HEPACAM2: variants seen among roughly 807,000 people sequenced by gnomAD.
HEPACAM2 encodes HEPACAM family member 2.
Under a neutral mutation model 49.6 loss-of-function variants are expected in HEPACAM2, and 49 were observed. That is an observed-to-expected ratio of 0.99 (90% CI 0.78 to 1.25). The LOEUF (loss-of-function observed/expected upper bound fraction) is 1.25, where lower values mean the gene tolerates loss of function less well. Among genes scored for constraint, HEPACAM2 ranks in the 50% most tolerant of loss-of-function variants. HEPACAM2 has a pLI of 0.00. For synonymous variants in HEPACAM2, 197 were observed against 202.9 expected (o/e 0.97, Z 0.25); for missense variants, 525 against 557.2 (o/e 0.94, Z 0.58).
Position 93,208,618 on chromosome 7 carries a change from T to C in HEPACAM2, c.974A>G (p.Gln325Arg), listed in dbSNP as rs1794090556. 1.9e-6 allele frequency: 3 copies of C among 1,613,042 alleles called. No homozygotes were observed. Among genetic ancestry groups the C allele is most frequent in the African/African-American group, 1.3e-5 (1 of 74,966 alleles). Residue 325 changes from glutamine to arginine, a missense_variant, in exon 4 of 10, where the codon CAA becomes CGA. Coordinates refer to ENST00000394468, the MANE Select transcript of HEPACAM2 (RefSeq NM_001039372.4). ...GATAACTGTGAAATGAGTTTCATCTTGCCTGCCGGTTATGTTGTTGTAAGC... is the reference window on the plus strand; with the variant it reads ...GATAACTGTGAAATGAGTTTCATCTCGCCTGCCGGTTATGTTGTTGTAAGC... ...CCAYNNITGR[Q>R]DETHFTVIIT...
intron 3 of HEPACAM2, among the ~76,000 whole-genome samples, chr7:93,213,784 T>C (rs1180852989): frequency 6.6e-6 from 1 of 152,056 alleles, no homozygotes; most frequent in African/African-American, 2.4e-5. Flanking sequence ...ACAATGAACC[T>C]GTTAGTGACA....
chr7:93,231,510 C>G, the HEPACAM2 span, among the ~76,000 whole-genome samples: 1 of 152,192 alleles, frequency 6.6e-6, no homozygotes. Context: ...ATATTTAAAG[C>G]TATTAGCAGT....
intron 3 of HEPACAM2, among the ~76,000 whole-genome samples, chr7:93,209,924 C>T (rs1168138540): frequency 6.6e-6 from 1 of 151,754 alleles, no homozygotes; most frequent in Non-Finnish European, 1.5e-5. Context: ...CACCCACACC[C>T]CAGCTAAGAT....
chr7:93,211,549 T>G (rs1189678384), intron 3 of HEPACAM2, among the ~76,000 whole-genome samples: 7 of 152,054 alleles, frequency 4.6e-5, no homozygotes, highest in African/African-American at 1.4e-4. Context: ...AAATCAATAT[T>G]GAGATTACTT....
At chr7:93,212,272 C>T (rs1227128355) in intron 3 of HEPACAM2, among the ~76,000 whole-genome samples, 2 of 151,882 alleles carry the variant, frequency 1.3e-5, no homozygotes, top group Admixed American at 6.6e-5. Flanking sequence ...ATTTTGATTT[C>T]GTTACTTCCC....
rs1431670215 is a variant in HEPACAM2, at chr7:93,219,449, C to A, written c.82G>T (p.Ala28Ser). 6.2e-7 allele frequency: 1 copy of A among 1,613,824 alleles called. No individual in the cohort carries two copies. Among genetic ancestry groups the A allele is most frequent in the Admixed American group, 1.7e-5 (1 of 59,984 alleles). ...ACTGTCACCTTCAGCCCCGAGCAAG[C>A]ACCTGTTGCAAAGGAAAGGAAAGTT... Reference protein sequence around the residue: ...QCKIYLLLFGACSGLKVTVPS... With the variant: ...QCKIYLLLFGSCSGLKVTVPS... The change falls in exon 2 of 10, where the codon GCT becomes TCT. Residue 28 changes from alanine (A) to serine (S), a missense_variant and splice_region_variant. Ala to Ser is a moderately conservative substitution (Grantham distance 99, BLOSUM62 1). Coordinates refer to ENST00000394468, the MANE Select transcript of HEPACAM2 (RefSeq NM_001039372.4).
intron 8 of HEPACAM2, among the ~76,000 whole-genome samples, chr7:93,195,017 A>G (rs1793654313): frequency 6.7e-6 from 1 of 149,754 alleles, no homozygotes; most frequent in African/African-American, 2.5e-5. Flanking sequence ...AAAGATGTAT[A>G]CTTGCATACT....
intron 1 of HEPACAM2, chr7:93,219,661 T>C (rs1456315300): frequency 1.3e-6 from 1 of 756,152 alleles, no homozygotes; most frequent in Admixed American, 3.4e-5. Flanking sequence ...AAGACCGTGC[T>C]GGTTGCACAA....
chr7:93,197,147 T>A, intron 7 of HEPACAM2, 94 bp downstream of exon 7: 1 of 835,348 alleles, frequency 1.2e-6, no homozygotes, highest in Non-Finnish European at 1.6e-6. Context: ...TTAGCTCATA[T>A]TAATTATATT....
At chr7:93,222,488 A>C (rs1287418739) in intron 1 of HEPACAM2, among the ~76,000 whole-genome samples, 1 of 152,004 alleles carries the variant, frequency 6.6e-6, no homozygotes, top group Non-Finnish European at 1.5e-5. Flanking sequence ...TCCGCCATTG[A>C]GTCTTAAATT....
chr7:93,194,486 A>AG (rs1309712367), intron 8 of HEPACAM2, among the ~76,000 whole-genome samples: 1 of 152,092 alleles, frequency 6.6e-6, no homozygotes, highest in African/African-American at 2.4e-5. Flanking sequence ...AGGTGAGCCA[A>AG]TCCTGCCTGA....
At chr7:93,217,870 GTGTGTC>G (rs1362849560) in intron 2 of HEPACAM2, among the ~76,000 whole-genome samples, 1 of 132,864 alleles carries the variant, frequency 7.5e-6, no homozygotes, top group Non-Finnish European at 1.6e-5. Flanking sequence ...CTCTGAGCAT[GTGTGTC>G]TGTGTGTGTG....
At chr7:93,195,163 GATGGGTTGCAGTCACCC>G (rs1484135606) in intron 8 of HEPACAM2, among the ~76,000 whole-genome samples, 1 of 151,994 alleles carries the variant, frequency 6.6e-6, no homozygotes, top group Non-Finnish European at 1.5e-5. Context: ...TTAGTAAAGT[GATGGGTTGCAGTCACCC>G]AAGTGATGCA....
intron 1 of HEPACAM2, among the ~76,000 whole-genome samples, chr7:93,222,035 G>A (rs1036457214): frequency 2.0e-5 from 3 of 152,060 alleles, no homozygotes; most frequent in Non-Finnish European, 4.4e-5. Context: ...AGTGGTTTTC[G>A]CAAGGAAATA....
At chr7:93,221,451 T>C (rs1262746219) in intron 1 of HEPACAM2, among the ~76,000 whole-genome samples, 1 of 152,222 alleles carries the variant, frequency 6.6e-6, no homozygotes. Flanking sequence ...TTTGTGATTA[T>C]TTCCTTGGAA....
intron 4 of HEPACAM2, among the ~76,000 whole-genome samples, chr7:93,202,250 A>G (rs1047008492): frequency 1.3e-5 from 2 of 150,724 alleles, no homozygotes; most frequent in Non-Finnish European, 3.0e-5. Flanking sequence ...ATAATGCACA[A>G]TTAAATATAT....
chr7:93,228,958 CTAGTT>C (rs1794584749), upstream of HEPACAM2, among the ~76,000 whole-genome samples: 2 of 152,012 alleles, frequency 1.3e-5, no homozygotes, highest in African/African-American at 4.8e-5. Flanking sequence ...AGTTTACAAT[CTAGTT>C]TATTTAAATT....
chr7:93,231,997 C>T, the HEPACAM2 span, among the ~76,000 whole-genome samples: 1 of 152,112 alleles, frequency 6.6e-6, no homozygotes, highest in African/African-American at 2.4e-5. Context: ...TCTCCCACCC[C>T]GCCCCTCTAG....
chr7:93,194,972 T>G (rs1221179994), intron 8 of HEPACAM2, among the ~76,000 whole-genome samples: 1 of 146,188 alleles, frequency 6.8e-6, no homozygotes, highest in African/African-American at 2.6e-5. Flanking sequence ...ATATGAAAGC[T>G]CCTTTGCCAT....
Sources: allele counts gnomAD v4.1 joint callset (sites outside exome capture counted in the v4.1 genomes callset), GRCh38; gene constraint gnomAD v4.1.1; transcripts MANE v1.5; gene names NCBI Gene and HGNC (gene_info 2026-07-23, HGNC 2026-07-21).